BTBD7: variants seen among roughly 807,000 people sequenced by gnomAD.
BTBD7 encodes the protein BTB/POZ domain-containing protein 7.
A neutral mutation model predicts 99.9 loss-of-function variants in BTBD7; 38 were observed. The observed-to-expected ratio is 0.38, with a 90% CI of 0.29 to 0.50. The LOEUF (loss-of-function observed/expected upper bound fraction) is 0.50. BTBD7 is among the 20% of genes least tolerant of loss of function. The probability of loss-of-function intolerance (pLI) is 0.93; values close to 1 mark genes in which losing one functional copy is unlikely to be tolerated. For missense variants in BTBD7, 1,170 were observed against 1,394.6 expected (o/e 0.84, Z 2.57); for synonymous variants, 520 against 511.4 (o/e 1.02, Z -0.23).
rs756976776 is a variant in BTBD7 at position 93,332,955 on chromosome 14, C to T, written c.-242G>A. The T allele has an allele frequency of 5.2e-5, 37 of 710,718 alleles. 1 individual carries two copies. In the South Asian group the frequency reaches 6.7e-4, roughly 13 times the overall value. 44.0% of individuals were successfully genotyped at this position (710,718 alleles called of 1,614,324 possible). On this transcript the variant is annotated 5_prime_UTR_variant, in exon 1 of 11. Coordinates refer to ENST00000334746, the MANE Select transcript of BTBD7 (RefSeq NM_001002860.4). ...CTCCTCCCACCGCCGCCGCCGCCGC[C>T]CTCTCCTCTCCTGTCAGTGGCTCAG...
chr14:93,318,866 A>C (rs867092368), intron 1 of BTBD7, among the ~76,000 whole-genome samples: 1 of 152,224 alleles, frequency 6.6e-6, no homozygotes, highest in South Asian at 2.1e-4. Context: ...GTCTTATTTC[A>C]GTAACTATAT....
chr14:93,278,216 C>A lies in BTBD7; in HGVS notation c.1163-14223G>T, dbSNP rs538284379. On this transcript the variant is annotated intron_variant, in intron 3 of 10. Transcript: ENST00000334746. Reference sequence around the variant, plus strand: ...TCACTTGAGGTCAGGAGTTCGAGACCAGCCTGGCCAACATGGTGAAATCCC... The same window carrying A: ...TCACTTGAGGTCAGGAGTTCGAGACAAGCCTGGCCAACATGGTGAAATCCC... 2.0e-5 allele frequency among the ~76,000 whole-genome samples: 3 copies of A among 151,598 alleles called. No individual in the cohort carries two copies. The South Asian group carries it at 6.3e-4, about 32-fold the overall frequency.
At chr14:93,264,087 C>A in intron 3 of BTBD7, 94 bp from the exon 4 acceptor site, 3 of 1,077,408 alleles carry the variant, frequency 2.8e-6, no homozygotes, top group African/African-American at 1.6e-5. Flanking sequence ...GTCACAATAG[C>A]AAAAAAGAAC....
chr14:93,327,683 G>C (rs1176845918), intron 1 of BTBD7, among the ~76,000 whole-genome samples: 4 of 152,138 alleles, frequency 2.6e-5, no homozygotes, highest in Non-Finnish European at 4.4e-5. Flanking sequence ...ATTCAACAGG[G>C]AAAGACTCAA....
chr14:93,332,653 G>T (rs929578560), intron 1 of BTBD7, among the ~76,000 whole-genome samples, 167 bp downstream of exon 1: 2 of 148,944 alleles, frequency 1.3e-5, no homozygotes, highest in African/African-American at 5.0e-5. Context: ...AGCCCCAGAC[G>T]GACGACTGGC....
At chr14:93,285,320 T>C (rs1373787062) in intron 3 of BTBD7, among the ~76,000 whole-genome samples, 1 of 152,222 alleles carries the variant, frequency 6.6e-6, no homozygotes, top group African/African-American at 2.4e-5. Flanking sequence ...GTCATTGCTT[T>C]CAGTTGCTTC....
rs2052922388 is a variant in BTBD7, at chr14:93,296,044, G to A, written c.8C>T (p.Ala3Val). MGANASNYPHSCS... is the reference protein window; with the variant it reads MGVNASNYPHSCS... ...TGAATGAGGATAATTAGATGCATTAGCACCCATTTTCTTCAGTCACTCAGG... is the reference window on the plus strand; with the variant it reads ...TGAATGAGGATAATTAGATGCATTAACACCCATTTTCTTCAGTCACTCAGG... Residue 3 changes from alanine (A) to valine (V), a missense_variant, in exon 2 of 11, where the codon GCT becomes GTT. Ala to Val is a moderately conservative substitution (Grantham distance 64). Coordinates refer to ENST00000334746, the MANE Select transcript of BTBD7 (RefSeq NM_001002860.4). 1.9e-6 allele frequency: 3 copies of A among 1,613,664 alleles called. No individual in the cohort carries two copies. The highest frequency in any genetic ancestry group is 3.3e-5 in the Admixed American group (2 of 59,988).
chr14:93,255,302 T>TG (rs1364901740), intron 6 of BTBD7, among the ~76,000 whole-genome samples: 1 of 152,100 alleles, frequency 6.6e-6, no homozygotes, highest in Non-Finnish European at 1.5e-5. Flanking sequence ...CATGCCACCA[T>TG]GCCTGGCTAA....
At chr14:93,302,077 A>C (rs781768535) in intron 1 of BTBD7, among the ~76,000 whole-genome samples, 3 of 152,164 alleles carry the variant, frequency 2.0e-5, no homozygotes, top group African/African-American at 7.2e-5. Context: ...GTACGAGTTA[A>C]CTGGTGGTCT....
At chr14:93,281,686 C>A (rs764472248) in intron 3 of BTBD7, among the ~76,000 whole-genome samples, 1 of 152,038 alleles carries the variant, frequency 6.6e-6, no homozygotes, top group African/African-American at 2.4e-5. Flanking sequence ...TAAGATAGCA[C>A]GTTAAATACA....
chr14:93,245,262 TG>T (rs2052291241), intron 10 of BTBD7, among the ~76,000 whole-genome samples: 1 of 152,198 alleles, frequency 6.6e-6, no homozygotes, highest in African/African-American at 2.4e-5. Context: ...CTACTAGCCC[TG>T]GCTACTATGA....
chr14:93,307,638 ACT>A (rs757427086), intron 1 of BTBD7, among the ~76,000 whole-genome samples: 1 of 151,982 alleles, frequency 6.6e-6, no homozygotes, highest in South Asian at 2.1e-4. Flanking sequence ...CATGTTTCAT[ACT>A]CTCATTTTTA....
chr14:93,315,527 C>T (rs1187947174), intron 1 of BTBD7, among the ~76,000 whole-genome samples: 3 of 152,184 alleles, frequency 2.0e-5, no homozygotes, highest in Non-Finnish European at 4.4e-5. Context: ...ACATGTAGAA[C>T]ATTTTCATCA....
intron 3 of BTBD7, among the ~76,000 whole-genome samples, chr14:93,265,281 A>G (rs2052529475): frequency 1.3e-5 from 2 of 152,322 alleles, no homozygotes; most frequent in Middle Eastern, 3.4e-3. Context: ...GAGTCTACAA[A>G]AAGTAAACCC....
chr14:93,285,553 C>T (rs114424290), intron 3 of BTBD7, among the ~76,000 whole-genome samples: 1 of 152,138 alleles, frequency 6.6e-6, no homozygotes, highest in East Asian at 1.9e-4. Context: ...GTATTTTGCT[C>T]TGAGGTCAAC....
At chr14:93,286,186 T>C (rs1173550391) in intron 3 of BTBD7, among the ~76,000 whole-genome samples, 2 of 152,170 alleles carry the variant, frequency 1.3e-5, no homozygotes, top group Non-Finnish European at 1.5e-5. Flanking sequence ...CCACTAACCC[T>C]GACTAGAGAA....
intron 1 of BTBD7, among the ~76,000 whole-genome samples, chr14:93,325,106 A>ATTT (rs34523849): frequency 0.023 from 2,385 of 105,516 alleles, 157 homozygotes; most frequent in African/African-American, 0.08. Context: ...GCATGCTCCA[A>ATTT]TTTTTTTTTT....
At chr14:93,309,476 AGT>A (rs1006574143) in intron 1 of BTBD7, among the ~76,000 whole-genome samples, 2 of 150,390 alleles carry the variant, frequency 1.3e-5, no homozygotes, top group Non-Finnish European at 3.0e-5. Context: ...TCCCTCATCT[AGT>A]GTGTGTCTTA....
At chr14:93,301,299 C>A (rs980083595) in intron 1 of BTBD7, among the ~76,000 whole-genome samples, 6 of 151,942 alleles carry the variant, frequency 3.9e-5, no homozygotes, top group African/African-American at 1.4e-4. Context: ...TCAAGCGATT[C>A]TCCTGCCTCA....
Sources: allele counts gnomAD v4.1 joint callset (sites outside exome capture counted in the v4.1 genomes callset), GRCh38; gene constraint gnomAD v4.1.1; transcripts MANE v1.5; gene names NCBI Gene and HGNC (gene_info 2026-07-23, HGNC 2026-07-21).